The following GPC6 variants were observed in gnomAD, a reference collection of about 807,000 sequenced individuals.
GPC6 encodes the protein glypican 6.
Under a neutral mutation model 55.2 loss-of-function variants are expected in GPC6, and 14 were observed. The ratio of observed to expected loss-of-function variants is 0.25; its 90% CI spans 0.17 to 0.40. GPC6 has a LOEUF of 0.40. GPC6 is among the 10% of genes least tolerant of loss of function. The pLI is 1.00. For missense variants in GPC6, 641 were observed against 708.5 expected (o/e 0.90, Z 1.08); for synonymous variants, 278 against 259.6 (o/e 1.07, Z -0.68).
chr13:93,308,009 G>T (rs1878929517), intron 1 of GPC6, among the ~76,000 whole-genome samples: 1 of 152,114 alleles, frequency 6.6e-6, no homozygotes, highest in Non-Finnish European at 1.5e-5. Context: ...CTCAGGCCGG[G>T]CACGGTGGCT....
At chr13:93,970,357 A>C (rs1880232629) in intron 3 of GPC6, among the ~76,000 whole-genome samples, 1 of 152,228 alleles carries the variant, frequency 6.6e-6, no homozygotes, top group African/African-American at 2.4e-5. Context: ...TCATCCCATG[A>C]GGAAATTTTA....
intron 1 of GPC6, among the ~76,000 whole-genome samples, chr13:93,488,801 A>G (rs1407650674): frequency 6.6e-6 from 1 of 152,100 alleles, no homozygotes. Flanking sequence ...TACTTTGCCC[A>G]CTTTTTGATG....
At chr13:93,722,452 G>T (rs775884138) in intron 2 of GPC6, among the ~76,000 whole-genome samples, 7 of 151,636 alleles carry the variant, frequency 4.6e-5, no homozygotes, top group Non-Finnish European at 1.0e-4. Flanking sequence ...GTATGTATTA[G>T]CCCTTAGATT....
At chr13:94,236,637 T>G (rs1458019200) in intron 4 of GPC6, among the ~76,000 whole-genome samples, 1 of 152,192 alleles carries the variant, frequency 6.6e-6, no homozygotes, top group Non-Finnish European at 1.5e-5. Context: ...AAAATGAAAG[T>G]AACTTTGAGC....
At chr13:93,468,975 T>A (rs1202680701) in intron 1 of GPC6, among the ~76,000 whole-genome samples, 1 of 152,158 alleles carries the variant, frequency 6.6e-6, no homozygotes, top group Non-Finnish European at 1.5e-5. Flanking sequence ...TTCTTAGGCT[T>A]AGTTCTCCAC....
intron 7 of GPC6, among the ~76,000 whole-genome samples, chr13:94,390,078 A>C (rs2139217161): frequency 6.6e-6 from 1 of 152,372 alleles, no homozygotes; most frequent in Middle Eastern, 3.4e-3. Flanking sequence ...GAAAAGTAGA[A>C]AAATCTAGAA....
chr13:93,933,493 T>G (rs1316651808), intron 3 of GPC6, among the ~76,000 whole-genome samples: 1 of 152,080 alleles, frequency 6.6e-6, no homozygotes, highest in Non-Finnish European at 1.5e-5. Context: ...GGTCATGCCA[T>G]CTCTCTGGGC....
At chr13:93,228,963 GA>G (rs1336151922) in intron 1 of GPC6, among the ~76,000 whole-genome samples, 15 of 152,166 alleles carry the variant, frequency 9.9e-5, no homozygotes, top group Non-Finnish European at 2.1e-4. Flanking sequence ...GGCAAAGGGG[GA>G]AAAAAAGAGG....
chr13:93,855,818 T>G (rs763377554), intron 3 of GPC6, among the ~76,000 whole-genome samples: 1 of 151,774 alleles, frequency 6.6e-6, no homozygotes, highest in Non-Finnish European at 1.5e-5. Context: ...TTTGCTTATT[T>G]GCCATTTGTA....
At chr13:93,462,574 A>C (rs774683966) in intron 1 of GPC6, among the ~76,000 whole-genome samples, 1 of 151,314 alleles carries the variant, frequency 6.6e-6, no homozygotes, top group African/African-American at 2.4e-5. Context: ...GAAGTTTGTC[A>C]GTGGATTCTA....
chr13:94,029,107 A>G (rs1883015591), intron 4 of GPC6, among the ~76,000 whole-genome samples: 1 of 152,208 alleles, frequency 6.6e-6, no homozygotes, highest in Non-Finnish European at 1.5e-5. Flanking sequence ...TAGGATAGAA[A>G]AAAGATGTTA....
intron 6 of GPC6, among the ~76,000 whole-genome samples, chr13:94,330,211 G>T (rs1157726962): frequency 6.6e-6 from 1 of 152,138 alleles, no homozygotes; most frequent in Non-Finnish European, 1.5e-5. Context: ...CCTATGTTAT[G>T]CCTGCCTAGT....
At chr13:93,706,416 C>T (rs980506393) in intron 2 of GPC6, among the ~76,000 whole-genome samples, 11 of 151,792 alleles carry the variant, frequency 7.2e-5, no homozygotes, top group African/African-American at 1.7e-4. Flanking sequence ...TACTACCTGT[C>T]GCCAACATAT....
chr13:94,187,665 G>T (rs146616849), intron 4 of GPC6, among the ~76,000 whole-genome samples: 1 of 152,270 alleles, frequency 6.6e-6, no homozygotes, highest in African/African-American at 2.4e-5. Context: ...CTAGGTGCTG[G>T]AGTTACAACA....
At chr13:93,658,727 ATAT>A (rs1475133615) in intron 2 of GPC6, among the ~76,000 whole-genome samples, 1 of 151,688 alleles carries the variant, frequency 6.6e-6, no homozygotes, top group Admixed American at 6.6e-5. Context: ...CTAATATTAA[ATAT>A]TATAGCATAT....
At chr13:93,900,567 A>G (rs1022144337) in intron 3 of GPC6, among the ~76,000 whole-genome samples, 19 of 152,162 alleles carry the variant, frequency 1.2e-4, no homozygotes, top group African/African-American at 4.1e-4. Flanking sequence ...AACGCTGATG[A>G]ATCTTTTGTT....
At chr13:93,672,555 T>C (rs766678400) in intron 2 of GPC6, among the ~76,000 whole-genome samples, 2 of 151,944 alleles carry the variant, frequency 1.3e-5, no homozygotes, top group East Asian at 1.9e-4. Context: ...TTCTGTGTTA[T>C]CTACCTCTTT....
intron 1 of GPC6, among the ~76,000 whole-genome samples, chr13:93,529,386 T>A (rs1881773749): frequency 6.6e-6 from 1 of 152,064 alleles, no homozygotes; most frequent in Admixed American, 6.6e-5. Context: ...ATGCTGTCCT[T>A]ATAAAAGGCA....
chr13:93,544,047 C>A (rs1281869162), intron 1 of GPC6, among the ~76,000 whole-genome samples: 1 of 151,640 alleles, frequency 6.6e-6, no homozygotes, highest in African/African-American at 2.4e-5. Flanking sequence ...ATTTGCATTT[C>A]CCGGATGATT....
Sources: allele counts gnomAD v4.1 joint callset (sites outside exome capture counted in the v4.1 genomes callset), GRCh38; gene constraint gnomAD v4.1.1; transcripts MANE v1.5; gene names NCBI Gene and HGNC (gene_info 2026-07-23, HGNC 2026-07-21).